The following TNNI3K variants were observed in gnomAD, a reference collection of about 807,000 sequenced individuals.
TNNI3K encodes serine/threonine-protein kinase TNNI3K.
Under a neutral mutation model 114.5 loss-of-function variants are expected in TNNI3K, and 140 were observed. The ratio of observed to expected loss-of-function variants is 1.22; its 90% CI spans 1.07 to 1.41. The LOEUF is 1.41. Among genes scored for constraint, TNNI3K ranks in the 40% most tolerant of loss-of-function variants. The pLI is 0.00. For missense variants in TNNI3K, 1,125 were observed against 1,007.6 expected, an observed-to-expected ratio of 1.12 and a Z score of -1.58; for synonymous variants, 347 against 347.5, an observed-to-expected ratio of 1.00 and a Z score of 0.02.
At chr1:74,391,961 T>A (rs894443838) in intron 17 of TNNI3K, among the ~76,000 whole-genome samples, 12,544 of 130,146 alleles carry the variant, frequency 0.096, 997 homozygotes, top group African/African-American at 0.23. Flanking sequence ...CTTATTATTT[T>A]TTTTTTTTTT....
At chr1:74,465,382 A>G (rs995593415) in intron 21 of TNNI3K, among the ~76,000 whole-genome samples, 16 of 152,290 alleles carry the variant, frequency 1.1e-4, no homozygotes, top group African/African-American at 2.6e-4. Context: ...CACTCCAGGC[A>G]CTGAGGGGCT....
intron 17 of TNNI3K, chr1:74,416,602 C>T (rs1665125633): frequency 1.0e-6 from 1 of 963,604 alleles, no homozygotes; most frequent in Non-Finnish European, 1.2e-6. Flanking sequence ...CTTCTGTTTC[C>T]CCTTCCTCTT....
intron 17 of TNNI3K, among the ~76,000 whole-genome samples, chr1:74,387,006 T>C (rs1663517245): frequency 6.6e-6 from 1 of 152,198 alleles, no homozygotes; most frequent in Non-Finnish European, 1.5e-5. Flanking sequence ...CTTGTAAATG[T>C]TAAAATTTCT....
chr1:74,334,914 A>C (rs1023848140), intron 6 of TNNI3K, among the ~76,000 whole-genome samples: 1 of 152,208 alleles, frequency 6.6e-6, no homozygotes. Flanking sequence ...GAAATTGACA[A>C]GAGAGTTGAT....
At chr1:74,532,081 G>T (rs945267927) in intron 23 of TNNI3K, among the ~76,000 whole-genome samples, 2 of 152,134 alleles carry the variant, frequency 1.3e-5, no homozygotes, top group African/African-American at 4.8e-5. Context: ...GCTCAACATA[G>T]CCCAGGCTGT....
intron 7 of TNNI3K, 104 bp downstream of exon 7, chr1:74,336,253 T>C: frequency 7.2e-7 from 1 of 1,392,786 alleles, no homozygotes; most frequent in Admixed American, 3.3e-5. Flanking sequence ...ACTAATCCTG[T>C]AGTCATGTAC....
chr1:74,508,364 G>A (rs796818359), intron 23 of TNNI3K, among the ~76,000 whole-genome samples: 3 of 152,210 alleles, frequency 2.0e-5, no homozygotes, highest in Non-Finnish European at 4.4e-5. Flanking sequence ...TACTTTAAAT[G>A]TGTTATCTCA....
At chr1:74,343,878 T>C (rs1347426914) in intron 9 of TNNI3K, among the ~76,000 whole-genome samples, 3 of 152,224 alleles carry the variant, frequency 2.0e-5, no homozygotes, top group African/African-American at 7.2e-5. Context: ...GGAAGGTGGA[T>C]GTTTTATAAA....
intron 20 of TNNI3K, among the ~76,000 whole-genome samples, chr1:74,449,173 C>A (rs1486973610): frequency 6.6e-6 from 1 of 151,486 alleles, no homozygotes; most frequent in Non-Finnish European, 1.5e-5. Context: ...GATGCAACTT[C>A]TTCCTGGTTT....
Position 74,367,287 on chromosome 1 carries a change from T to TTA in TNNI3K, c.1212_1213dup (p.Lys405IlefsTer35). The TTA allele has an allele frequency of 6.2e-7, 1 of 1,612,200 alleles. No homozygotes were observed. The highest frequency in any genetic ancestry group is 8.5e-7 in the Non-Finnish European group (1 of 1,178,712). ...ATGCCATTGTCACACTCCTGAAGCA[T>TTA]TATAAGAGACCACAAGATGAATTGC... On this transcript the variant is annotated frameshift_variant, in exon 12 of 25. Transcript: ENST00000326637. LOFTEE classifies it high-confidence loss of function.
intron 4 of TNNI3K, among the ~76,000 whole-genome samples, chr1:74,264,060 G>T (rs2100877256): frequency 6.6e-6 from 1 of 151,956 alleles, no homozygotes; most frequent in East Asian, 1.9e-4. Flanking sequence ...ATACATTATG[G>T]AAAATGAGAA....
intron 24 of TNNI3K, among the ~76,000 whole-genome samples, chr1:74,542,533 C>G (rs985320024): frequency 2.6e-5 from 4 of 152,104 alleles, no homozygotes; most frequent in African/African-American, 9.7e-5. Flanking sequence ...AGAGCCAGTC[C>G]CAAAAGAGGT....
At chr1:74,297,518 TGTGC>T (rs1307502503) in intron 5 of TNNI3K, among the ~76,000 whole-genome samples, 1 of 119,684 alleles carries the variant, frequency 8.4e-6, no homozygotes, top group East Asian at 2.5e-4. Flanking sequence ...CCAGTGTGTG[TGTGC>T]GTGTGTGTGT....
At chr1:74,375,493 A>G in intron 17 of TNNI3K, 1 of 440,484 alleles carries the variant, frequency 2.3e-6, no homozygotes, top group Non-Finnish European at 4.6e-6. Context: ...AAGATTAGAA[A>G]CCTCCCCAGA....
At position 74,369,550 on chromosome 1, in the gene TNNI3K, G is replaced by A. The variant is rs781753750; in HGVS notation, c.1632G>A (p.Gly544=). The A allele has an allele frequency of 6.8e-6, 11 of 1,611,268 alleles. No individual in the cohort carries two copies. The East Asian group carries it at 2.0e-4, about 29-fold the overall frequency. ...QFAIVTQYIS[G]GSLFSLLHEQ... is the part of the protein sequence containing the mutation. ...CCATTGTCACTCAATACATATCAGG[G>A]GGTTCTCTGTTCTCCCTCCTTCATG... The change falls in exon 16 of 25, where the codon GGG becomes GGA. Residue 544 remains glycine (G), a synonymous_variant. Coordinates refer to ENST00000326637, the MANE Select transcript of TNNI3K (RefSeq NM_015978.3).
At chr1:74,316,141 A>G (rs961310461) in intron 5 of TNNI3K, among the ~76,000 whole-genome samples, 4 of 152,204 alleles carry the variant, frequency 2.6e-5, no homozygotes, top group African/African-American at 9.6e-5. Flanking sequence ...AAAATCGCAT[A>G]TAATTCCTAG....
At position 74,271,631 on chromosome 1, in the gene TNNI3K, A is replaced by C; in HGVS notation, c.367A>C (p.Ser123Arg). The part of the protein sequence containing the change: ...NAELITSLLH[S>R]GADIQQVGYG... Reference sequence around the variant, plus strand: ...AGAATTGATCACTTCTCTGCTTCACAGTGGAGCTGATATACAGCAGGTTGG... The same window carrying C: ...AGAATTGATCACTTCTCTGCTTCACCGTGGAGCTGATATACAGCAGGTTGG... The change falls in exon 5 of 25, where the codon AGT (serine) becomes CGT (arginine). Residue 123 changes from serine (S) to arginine (R), a missense_variant. Transcript: ENST00000326637. The C allele has an allele frequency of 6.2e-7, 1 of 1,608,788 alleles. No individual in the cohort carries two copies. The highest frequency in any genetic ancestry group is 8.5e-7 in the Non-Finnish European group (1 of 1,176,932).
chr1:74,415,782 G>C lies in TNNI3K; in HGVS notation c.1773-20298G>C, dbSNP rs569539671. 2.0e-5 allele frequency among the ~76,000 whole-genome samples: 3 copies of C among 149,294 alleles called. No individual in the cohort carries two copies. In the East Asian group the frequency reaches 5.9e-4, roughly 29 times the overall value. ...TTTGAACAATATATATCCCGTTCTT[G>C]GTTTTAGATTATGGTCATCTTTATA... On this transcript the variant is annotated intron_variant, in intron 17 of 24. Coordinates refer to ENST00000326637, the MANE Select transcript of TNNI3K (RefSeq NM_015978.3).
chr1:74,486,488 G>GTGTGTTT (rs1668771383), intron 21 of TNNI3K, among the ~76,000 whole-genome samples: 2 of 130,024 alleles, frequency 1.5e-5, no homozygotes, highest in Admixed American at 7.8e-5. Context: ...CTTTTTTTGT[G>GTGTGTTT]TGTGTTTTTT....
Sources: gnomAD v4.1 joint callset for allele counts (sites outside exome capture counted in the v4.1 genomes callset) on GRCh38, gnomAD v4.1.1 for gene constraint, MANE v1.5 for transcripts, NCBI Gene and HGNC (gene_info 2026-07-23, HGNC 2026-07-21) for gene names.